Variants in NRSN1 observed in about 807,000 individuals in gnomAD.
NRSN1 encodes the protein neurensin-1.
NRSN1 carries 14 observed loss-of-function variants against 17.3 expected under a neutral mutation model. The observed-to-expected ratio is 0.81, with a 90% CI of 0.54 to 1.27. NRSN1 has a LOEUF of 1.27. NRSN1 is among the 50% of genes most tolerant of loss of function. The pLI, the probability that NRSN1 is intolerant of heterozygous loss-of-function variation, is 0.00. For synonymous variants in NRSN1, 79 were observed against 94.2 expected (o/e 0.84, Z 0.93); for missense variants, 209 against 235.9 (o/e 0.89, Z 0.75).
chr6:24,140,921 C>A, intron 3 of NRSN1: 3 of 1,301,436 alleles, frequency 2.3e-6, no homozygotes, highest in Non-Finnish European at 2.9e-6. Context: ...TCCTTTCCAG[C>A]AGCAGGAACT....
At chr6:24,134,590 G>A (rs1760089435) in intron 3 of NRSN1, 74 bp downstream of exon 3, 1 of 1,244,944 alleles carries the variant, frequency 8.0e-7, no homozygotes, top group Admixed American at 1.8e-5. Flanking sequence ...AGCTGTGGAG[G>A]ATGGAGAGGT....
intron 3 of NRSN1, among the ~76,000 whole-genome samples, chr6:24,139,713 C>T (rs1215182918): frequency 6.6e-6 from 1 of 152,096 alleles, no homozygotes; most frequent in African/African-American, 2.4e-5. Context: ...CTGTAGCTTC[C>T]AATTAAACGC....
At position 24,145,050 on chromosome 6, in the gene NRSN1, A is replaced by G. The variant is rs1207484063; in HGVS notation, c.190-498A>G. 8.2e-6 allele frequency among the ~76,000 whole-genome samples: 1 copy of G among 121,706 alleles called. No homozygotes were observed. The highest frequency in any genetic ancestry group is 2.9e-5 in the African/African-American group (1 of 34,912). The allele number at this position is 121,706 out of a possible 152,430, so 79.8% of individuals were successfully genotyped here. A position where few individuals can be genotyped will look rare whatever the true frequency, so the allele number is the denominator to read the frequency against. On this transcript the variant is annotated intron_variant, in intron 3 of 3. Coordinates refer to ENST00000378491, the MANE Select transcript of NRSN1 (RefSeq NM_080723.5). This position sits in a 1 kb window ranked among gnomAD's most constrained non-coding sequence, Gnocchi z 4.4. ...CTTTTAGATATATGATATATATTAT[A>G]TATAATATATATCTTTAGGTATATA...
At chr6:24,132,119 A>T (rs549971442) in intron 2 of NRSN1, among the ~76,000 whole-genome samples, 1 of 152,332 alleles carries the variant, frequency 6.6e-6, no homozygotes, top group South Asian at 2.1e-4. Flanking sequence ...CATCATTAAT[A>T]GCACCATTTT....
intron 3 of NRSN1, among the ~76,000 whole-genome samples, chr6:24,135,164 T>C (rs780026945): frequency 1.3e-5 from 2 of 152,196 alleles, no homozygotes; most frequent in Admixed American, 6.5e-5. Flanking sequence ...CAATCTATCA[T>C]GGGAAACAGG....
intron 3 of NRSN1, among the ~76,000 whole-genome samples, chr6:24,139,015 A>G (rs999038402): frequency 1.1e-4 from 16 of 152,164 alleles, no homozygotes; most frequent in African/African-American, 3.9e-4. Flanking sequence ...CAAGAACACA[A>G]TACAGTCTTA....
chr6:24,138,735 G>T (rs569868098), intron 3 of NRSN1, among the ~76,000 whole-genome samples: 1 of 152,228 alleles, frequency 6.6e-6, no homozygotes, highest in South Asian at 2.1e-4. Flanking sequence ...TCCCCCTCTT[G>T]AGCTAAGTCA....
At chr6:24,138,626 C>T (rs990190070) in intron 3 of NRSN1, among the ~76,000 whole-genome samples, 1 of 152,158 alleles carries the variant, frequency 6.6e-6, no homozygotes, top group Non-Finnish European at 1.5e-5. Flanking sequence ...GTGTGACCGC[C>T]TCCTCCACAG....
intron 3 of NRSN1, among the ~76,000 whole-genome samples, chr6:24,142,214 T>C (rs936934636): frequency 1.5e-5 from 2 of 132,576 alleles, no homozygotes; most frequent in Admixed American, 7.9e-5. Flanking sequence ...TTTTTTTTTT[T>C]CAGAAGACAT....
At chr6:24,133,831 G>T in intron 2 of NRSN1, among the ~76,000 whole-genome samples, 1 of 152,058 alleles carries the variant, frequency 6.6e-6, no homozygotes, top group East Asian at 1.9e-4. Flanking sequence ...AGACAGGTTT[G>T]TTGTTGTTGT....
intron 3 of NRSN1, among the ~76,000 whole-genome samples, chr6:24,137,553 T>C (rs1760135781): frequency 6.6e-6 from 1 of 151,914 alleles, no homozygotes; most frequent in Non-Finnish European, 1.5e-5. Flanking sequence ...TTATTACACT[T>C]TAAGTTTTAG....
intron 3 of NRSN1, among the ~76,000 whole-genome samples, chr6:24,138,855 G>A (rs1031931497): frequency 1.4e-4 from 21 of 152,034 alleles, no homozygotes; most frequent in Admixed American, 2.6e-4. Context: ...TTTTTAAATC[G>A]CAAATAAATA....
chr6:24,134,737 A>T (rs765884065), intron 3 of NRSN1, among the ~76,000 whole-genome samples: 53 of 152,362 alleles, frequency 3.5e-4, no homozygotes, highest in Admixed American at 1.2e-3. Context: ...TTAAACATAA[A>T]TAGGTGCAAT....
Position 24,145,499 on chromosome 6 carries a change from C to G in NRSN1, c.190-49C>G. ...TGCCCTTGAGGGCTCAGGGGCGAGC[C>G]GAAGCACCTTCCTCACTCTATCTTG... On this transcript the variant is annotated intron_variant, in intron 3 of 3. Transcript: ENST00000378491. This position sits in a 1 kb window ranked among gnomAD's most constrained non-coding sequence, Gnocchi z 4.4. 1 of 1,467,098 alleles carries G rather than the reference C, an allele frequency of 6.8e-7. No individual in the cohort carries two copies. The highest frequency in any genetic ancestry group is 9.2e-7 in the Non-Finnish European group (1 of 1,091,448). The allele number at this position is 1,467,098 out of a possible 1,614,324, so 90.9% of individuals were successfully genotyped here. A position where few individuals can be genotyped will look rare whatever the true frequency, so the allele number is the denominator to read the frequency against.
At chr6:24,136,341 C>A (rs1267294786) in intron 3 of NRSN1, among the ~76,000 whole-genome samples, 2 of 152,164 alleles carry the variant, frequency 1.3e-5, no homozygotes, top group Admixed American at 6.5e-5. Flanking sequence ...CAGTTGTTAA[C>A]ATGGATAACC....
chr6:24,127,481 C>T (rs1044743313), intron 1 of NRSN1, among the ~76,000 whole-genome samples: 5 of 152,302 alleles, frequency 3.3e-5, no homozygotes, highest in Middle Eastern at 3.4e-3. Flanking sequence ...TTTCACATAA[C>T]TAGAGTAATG....
chr6:24,134,366 ACAGGCTG>A lies in NRSN1; in HGVS notation c.43_49del (p.Ala15LeufsTer57). On this transcript the variant is annotated frameshift_variant, in exon 3 of 4. Transcript: ENST00000378491. LOFTEE classifies it high-confidence loss of function. ...GCAACGTCTGTGGGTCCAGGCAGGC[ACAGGCTG>A]CAGCTGAGGGTGGTTACCAGCGCTA... 1 of 1,614,170 alleles carries A rather than the reference ACAGGCTG, an allele frequency of 6.2e-7. No homozygotes were observed. Among genetic ancestry groups the A allele is most frequent in the Non-Finnish European group, 8.5e-7 (1 of 1,180,022 alleles).
chr6:24,138,105 A>G (rs1328970802), intron 3 of NRSN1, among the ~76,000 whole-genome samples: 1 of 152,166 alleles, frequency 6.6e-6, no homozygotes, highest in Non-Finnish European at 1.5e-5. Flanking sequence ...TTCAGCTTGA[A>G]TACAGTGAGG....
chr6:24,132,187 T>A (rs1434890095), intron 2 of NRSN1, among the ~76,000 whole-genome samples: 2 of 152,220 alleles, frequency 1.3e-5, no homozygotes, highest in Non-Finnish European at 2.9e-5. Flanking sequence ...AAAACTCATG[T>A]GTAGCTAAGG....
Sources: allele counts gnomAD v4.1 joint callset (sites outside exome capture counted in the v4.1 genomes callset), GRCh38; gene constraint gnomAD v4.1.1; non-coding constraint Gnocchi (gnomAD v3.1); transcripts MANE v1.5; gene names NCBI Gene and HGNC (gene_info 2026-07-23, HGNC 2026-07-21).